The following ZNF407 variants were observed in gnomAD, a reference collection of about 807,000 sequenced individuals.
The protein encoded by ZNF407 is zinc finger protein 407.
In ZNF407, 17 loss-of-function variants were observed where a neutral mutation model predicts 131.2. The observed-to-expected ratio is 0.13, with a 90% CI of 0.09 to 0.19. The LOEUF (loss-of-function observed/expected upper bound fraction) is 0.19. ZNF407 is among the 10% of genes least tolerant of loss of function. The pLI, the probability that ZNF407 is intolerant of heterozygous loss-of-function variation, is 1.00. For synonymous variants in ZNF407, 1,156 were observed against 1,062.0 expected (o/e 1.09, Z -1.72); for missense variants, 2,681 against 2,830.6 (o/e 0.95, Z 1.20).
intron 3 of ZNF407, among the ~76,000 whole-genome samples, chr18:74,705,756 C>T (rs1439578713): frequency 6.6e-6 from 1 of 151,916 alleles, no homozygotes; most frequent in African/African-American, 2.4e-5. Context: ...ACATTTTTGA[C>T]AATATGAAAA....
chr18:74,715,758 G>A (rs1435346345), intron 3 of ZNF407, among the ~76,000 whole-genome samples: 2 of 152,048 alleles, frequency 1.3e-5, no homozygotes, highest in Non-Finnish European at 2.9e-5. Flanking sequence ...AAATTTTCTT[G>A]ATGACTCAGG....
intron 3 of ZNF407, among the ~76,000 whole-genome samples, chr18:74,658,446 G>C (rs981663096): frequency 4.6e-5 from 7 of 152,018 alleles, no homozygotes; most frequent in African/African-American, 1.5e-4. Context: ...TTGTTCAGTA[G>C]ATGTCATATA....
chr18:74,632,875 C>T lies in ZNF407; in HGVS notation c.1856C>T (p.Pro619Leu), dbSNP rs756960606. 1 of 1,613,340 alleles carries T rather than the reference C, an allele frequency of 6.2e-7. No individual in the cohort carries two copies. Among genetic ancestry groups the T allele is most frequent in the Non-Finnish European group, 8.5e-7 (1 of 1,179,886 alleles). The change falls in exon 2 of 9, where the codon CCT becomes CTT. Residue 619 changes from proline (P) to leucine (L), a missense_variant. By Grantham distance (98) the Pro-to-Leu change is moderately conservative (BLOSUM62 -3). Around this residue, in one of 6 missense-constraint regions of ZNF407, gnomAD observed 1,789 missense variants for 1,748.7 expected, o/e 1.02. Coordinates refer to ENST00000299687, the MANE Select transcript of ZNF407 (RefSeq NM_017757.3). ...EKHNMHFLCT[P>L]CNLFFLSEKD... ...CACAATATGCATTTTCTTTGCACCCCTTGTAATCTGTTCTTTTTGTCTGAA... is the reference window on the plus strand; with the variant it reads ...CACAATATGCATTTTCTTTGCACCCTTTGTAATCTGTTCTTTTTGTCTGAA...
At chr18:74,644,844 T>C (rs1450331251) in intron 3 of ZNF407, among the ~76,000 whole-genome samples, 6 of 151,998 alleles carry the variant, frequency 3.9e-5, no homozygotes, top group Admixed American at 3.9e-4. Flanking sequence ...TAATATCTGT[T>C]TTTGTTCCTG....
chr18:75,052,646 C>T (rs917381485), intron 8 of ZNF407, among the ~76,000 whole-genome samples: 3 of 152,328 alleles, frequency 2.0e-5, no homozygotes, highest in Admixed American at 1.3e-4. Flanking sequence ...GCCAAGTGGA[C>T]TCAGGCGTCA....
At chr18:74,741,247 CACAT>C (rs375550436) in intron 3 of ZNF407, among the ~76,000 whole-genome samples, 395 of 152,218 alleles carry the variant, frequency 2.6e-3, no homozygotes, top group African/African-American at 8.9e-3. Flanking sequence ...CATATATACA[CACAT>C]ACATACACAC....
chr18:75,057,978 G>A (rs1336167931), intron 8 of ZNF407, among the ~76,000 whole-genome samples: 2 of 152,118 alleles, frequency 1.3e-5, no homozygotes, highest in Non-Finnish European at 2.9e-5. Context: ...AAAAGCGTAA[G>A]GTATTTATTC....
intron 8 of ZNF407, among the ~76,000 whole-genome samples, chr18:75,050,334 A>T (rs1973485637): frequency 6.6e-6 from 1 of 152,230 alleles, no homozygotes; most frequent in Non-Finnish European, 1.5e-5. Context: ...TTAAGAAAAC[A>T]AGATTTAATA....
At chr18:74,663,555 A>G (rs1209042241) in intron 3 of ZNF407, among the ~76,000 whole-genome samples, 1 of 152,198 alleles carries the variant, frequency 6.6e-6, no homozygotes, top group Admixed American at 6.5e-5. Context: ...GACACCACAT[A>G]TTACGTGTGG....
chr18:74,645,280 T>A (rs985687288), intron 3 of ZNF407, among the ~76,000 whole-genome samples: 5 of 152,100 alleles, frequency 3.3e-5, no homozygotes, highest in African/African-American at 1.2e-4. Flanking sequence ...TAGTTTTTTT[T>A]AAAGAGTTGT....
At chr18:74,602,010 T>A (rs2144602420) in intron 1 of ZNF407, among the ~76,000 whole-genome samples, 1 of 152,320 alleles carries the variant, frequency 6.6e-6, no homozygotes, top group Non-Finnish European at 1.5e-5. Flanking sequence ...TAGTGAGGGA[T>A]CCACATCTGT....
At chr18:74,893,276 C>T (rs890265150) in intron 7 of ZNF407, among the ~76,000 whole-genome samples, 1 of 152,084 alleles carries the variant, frequency 6.6e-6, no homozygotes, top group Non-Finnish European at 1.5e-5. Flanking sequence ...TACCAGATTT[C>T]CCTTTGAAAT....
chr18:74,693,226 A>G (rs1018342131), intron 3 of ZNF407, among the ~76,000 whole-genome samples: 3 of 152,198 alleles, frequency 2.0e-5, no homozygotes, highest in Non-Finnish European at 4.4e-5. Flanking sequence ...TGGTTGCTTT[A>G]TGATCTCAGC....
intron 3 of ZNF407, among the ~76,000 whole-genome samples, chr18:74,676,194 C>T (rs1043191297): frequency 5.3e-5 from 8 of 151,346 alleles, no homozygotes; most frequent in South Asian, 2.1e-4. Context: ...TGGGTTCAAA[C>T]GATTCCTCAG....
chr18:74,669,195 C>T (rs1027010843), intron 3 of ZNF407, among the ~76,000 whole-genome samples: 3 of 152,204 alleles, frequency 2.0e-5, no homozygotes, highest in East Asian at 3.9e-4. Context: ...TTTGCTGTCA[C>T]GCTTGTGCCC....
rs76653520 is a variant in ZNF407, at chr18:74,635,874, T to G, written c.4687+168T>G. Among the ~76,000 whole-genome samples the G allele has an allele frequency of 3.9e-5, 6 of 152,240 alleles. No homozygotes were observed. In the South Asian group the frequency reaches 1.2e-3, roughly 32 times the overall value. On this transcript the variant is annotated intron_variant, in intron 2 of 8. Coordinates refer to ENST00000299687, the MANE Select transcript of ZNF407 (RefSeq NM_017757.3). This position sits in a 1 kb window ranked among gnomAD's most constrained non-coding sequence, Gnocchi z 4.7. ...ATAAGTCATTGTTGACACTTAACAT[T>G]TTTAAGGGTAATTAAGCCCTAGTGA...
intron 8 of ZNF407, among the ~76,000 whole-genome samples, chr18:74,969,202 T>C (rs1394864524): frequency 6.6e-6 from 1 of 152,248 alleles, no homozygotes; most frequent in East Asian, 1.9e-4. Context: ...AAAGCATTTT[T>C]ATGATGCCTG....
At chr18:74,761,879 G>C (rs531068621) in intron 3 of ZNF407, among the ~76,000 whole-genome samples, 3 of 152,218 alleles carry the variant, frequency 2.0e-5, no homozygotes, top group Admixed American at 2.0e-4. Flanking sequence ...GAAATAATCT[G>C]TTTTCATGTA....
At chr18:74,928,485 A>G (rs1971941563) in intron 8 of ZNF407, among the ~76,000 whole-genome samples, 1 of 152,202 alleles carries the variant, frequency 6.6e-6, no homozygotes, top group South Asian at 2.1e-4. Flanking sequence ...TGGAGAAGAC[A>G]TGGAAAGGGA....
Sources: allele counts gnomAD v4.1 joint callset (sites outside exome capture counted in the v4.1 genomes callset), GRCh38; gene constraint gnomAD v4.1.1; regional missense constraint gnomAD v4.1.1; non-coding constraint Gnocchi (gnomAD v3.1); transcripts MANE v1.5; gene names NCBI Gene and HGNC (gene_info 2026-07-23, HGNC 2026-07-21).